PTPRR: variants seen among roughly 807,000 people sequenced by gnomAD.
The protein encoded by PTPRR is receptor-type tyrosine-protein phosphatase R.
PTPRR carries 38 observed loss-of-function variants against 77.2 expected under a neutral mutation model. The ratio of observed to expected loss-of-function variants is 0.49; its 90% CI spans 0.38 to 0.65. The LOEUF is 0.65. Ranked by LOEUF, PTPRR falls within the 30% of genes least tolerant of loss-of-function variation. The pLI, the probability that PTPRR is intolerant of heterozygous loss-of-function variation, is 0.00. For missense variants in PTPRR, 744 were observed against 799.2 expected (o/e 0.93, Z 0.83); for synonymous variants, 299 against 283.1 (o/e 1.06, Z -0.57).
At chr12:70,771,635 T>A (rs552616727) in intron 2 of PTPRR, among the ~76,000 whole-genome samples, 44 of 152,320 alleles carry the variant, frequency 2.9e-4, no homozygotes, top group Non-Finnish European at 5.4e-4. Flanking sequence ...GGTCAATTCA[T>A]AAAGAATTTC....
intron 2 of PTPRR, among the ~76,000 whole-genome samples, chr12:70,806,019 C>T (rs997873504): frequency 5.9e-5 from 9 of 152,120 alleles, no homozygotes; most frequent in Non-Finnish European, 1.2e-4. Context: ...CCTTTAAGTT[C>T]TGATGTGGTC....
At chr12:70,778,055 G>A (rs901953226) in intron 2 of PTPRR, among the ~76,000 whole-genome samples, 24 of 152,130 alleles carry the variant, frequency 1.6e-4, no homozygotes, top group Admixed American at 3.9e-4. Flanking sequence ...CTGTTTTTCA[G>A]TTGGGTTTCA....
intron 1 of PTPRR, among the ~76,000 whole-genome samples, chr12:70,905,211 A>G (rs1893603201): frequency 6.6e-6 from 1 of 151,860 alleles, no homozygotes; most frequent in African/African-American, 2.4e-5. Flanking sequence ...GGAAGTTGAG[A>G]AAATTATCTT....
chr12:70,647,851 A>G (rs1441997471), intron 13 of PTPRR, among the ~76,000 whole-genome samples: 2 of 152,236 alleles, frequency 1.3e-5, no homozygotes, highest in Non-Finnish European at 2.9e-5. Context: ...TTTTGCAACA[A>G]TGCTGGCCAA....
At chr12:70,878,431 G>C (rs534386876) in intron 2 of PTPRR, among the ~76,000 whole-genome samples, 4,348 of 152,266 alleles carry the variant, frequency 0.029, 101 homozygotes, top group Non-Finnish European at 0.045. Context: ...CCATCAAAAA[G>C]GGGGCAAAGG....
intron 13 of PTPRR, among the ~76,000 whole-genome samples, chr12:70,648,329 A>T (rs576676437): frequency 6.6e-6 from 1 of 152,310 alleles, no homozygotes; most frequent in East Asian, 1.9e-4. Flanking sequence ...ACAAATCTTC[A>T]AAGACTCAAA....
At chr12:70,862,667 C>T (rs1892773862) in intron 2 of PTPRR, among the ~76,000 whole-genome samples, 1 of 151,212 alleles carries the variant, frequency 6.6e-6, no homozygotes, top group South Asian at 2.1e-4. Flanking sequence ...GTGCAGCACA[C>T]CAGCATGGCA....
intron 2 of PTPRR, among the ~76,000 whole-genome samples, chr12:70,873,235 C>G (rs1432846237): frequency 1.3e-5 from 2 of 152,108 alleles, no homozygotes; most frequent in African/African-American, 4.8e-5. Context: ...CACAGTGGAG[C>G]AAAATGATCA....
intron 2 of PTPRR, among the ~76,000 whole-genome samples, chr12:70,866,648 T>A (rs1037585580): frequency 2.0e-5 from 3 of 152,024 alleles, no homozygotes; most frequent in Non-Finnish European, 2.9e-5. Context: ...TTCCAATCAA[T>A]AGAAAAAGAG....
intron 2 of PTPRR, among the ~76,000 whole-genome samples, chr12:70,819,305 AAAAC>A (rs755127558): frequency 3.9e-5 from 6 of 152,206 alleles, no homozygotes; most frequent in African/African-American, 7.2e-5. Context: ...ACTCTGTCTC[AAAAC>A]AAACAAACAA....
At chr12:70,858,847 T>A (rs1023445863) in intron 2 of PTPRR, among the ~76,000 whole-genome samples, 6 of 152,222 alleles carry the variant, frequency 3.9e-5, no homozygotes, top group African/African-American at 1.4e-4. Context: ...CAACTGCTTA[T>A]ATATTCGGTT....
chr12:70,641,665 A>T (rs1245000023), intron 13 of PTPRR, among the ~76,000 whole-genome samples: 1 of 152,210 alleles, frequency 6.6e-6, no homozygotes, highest in East Asian at 1.9e-4. Flanking sequence ...AATGAAAAAA[A>T]CTGGCATCAG....
Position 70,739,235 on chromosome 12 carries a change from A to G in PTPRR, c.1007+6583T>C, listed in dbSNP as rs115653324. ...GAAATGGAATCAGAGAACAAAAACAAAAAGAATATTAGATTTCCTTTTCCT... is the reference window on the plus strand; with the variant it reads ...GAAATGGAATCAGAGAACAAAAACAGAAAGAATATTAGATTTCCTTTTCCT... On this transcript the variant is annotated intron_variant, in intron 6 of 13. Transcript: ENST00000283228. 3.0e-3 allele frequency among the ~76,000 whole-genome samples: 464 copies of G among 152,322 alleles called. 4 individuals are homozygous for G. The highest frequency in any genetic ancestry group is 9.5e-3 in the African/African-American group (396 of 41,566).
chr12:70,731,072 G>T (rs1470470964), intron 6 of PTPRR, among the ~76,000 whole-genome samples: 1 of 60,772 alleles, frequency 1.6e-5, no homozygotes, highest in East Asian at 7.4e-4. Context: ...AAGGAGGAAG[G>T]CAAGAGAGAG....
intron 1 of PTPRR, among the ~76,000 whole-genome samples, chr12:70,907,446 G>A (rs1347889804): frequency 1.3e-5 from 2 of 152,112 alleles, no homozygotes; most frequent in African/African-American, 4.8e-5. Context: ...TCCATTGAAA[G>A]TTGAGCTGAA....
intron 6 of PTPRR, among the ~76,000 whole-genome samples, chr12:70,723,468 A>G (rs1889331902): frequency 6.6e-6 from 1 of 152,164 alleles, no homozygotes; most frequent in South Asian, 2.1e-4. Context: ...AATTTTGCCC[A>G]GGACTCAATA....
intron 6 of PTPRR, among the ~76,000 whole-genome samples, chr12:70,720,013 G>T (rs1889187105): frequency 6.6e-6 from 1 of 152,248 alleles, no homozygotes; most frequent in Non-Finnish European, 1.5e-5. Flanking sequence ...CACCTGGAGG[G>T]TGCAAGGCGC....
intron 2 of PTPRR, among the ~76,000 whole-genome samples, chr12:70,779,625 C>T (rs73144199): frequency 0.067 from 10,154 of 152,246 alleles, 366 homozygotes; most frequent in Middle Eastern, 0.099. Flanking sequence ...TCCATTGGTG[C>T]GGGTCCATGT....
intron 1 of PTPRR, among the ~76,000 whole-genome samples, chr12:70,904,585 G>A (rs1376285258): frequency 6.6e-6 from 1 of 151,784 alleles, no homozygotes; most frequent in Non-Finnish European, 1.5e-5. Flanking sequence ...TGTGGTGAGC[G>A]AACTATTCTG....
Sources: allele counts gnomAD v4.1 joint callset (sites outside exome capture counted in the v4.1 genomes callset), GRCh38; gene constraint gnomAD v4.1.1; transcripts MANE v1.5; gene names NCBI Gene and HGNC (gene_info 2026-07-23, HGNC 2026-07-21).